The following SPATS2 variants were observed in gnomAD, a reference collection of about 807,000 sequenced individuals.
SPATS2 encodes the protein spermatogenesis associated serine rich 2.
A neutral mutation model predicts 63.7 loss-of-function variants in SPATS2; 38 were observed. The observed-to-expected ratio is 0.60, with a 90% CI of 0.46 to 0.78. The LOEUF is 0.78. Among genes scored for constraint, SPATS2 ranks in the 30% least tolerant of loss-of-function variants. SPATS2 has a pLI of 0.00. For synonymous variants in SPATS2, 207 were observed against 232.9 expected (o/e 0.89, Z 1.01); for missense variants, 588 against 666.2 (o/e 0.88, Z 1.29).
chr12:49,515,338 T>C (rs999326786), intron 10 of SPATS2, among the ~76,000 whole-genome samples: 4 of 152,256 alleles, frequency 2.6e-5, no homozygotes, highest in African/African-American at 9.6e-5. Context: ...GCAGGTTTTA[T>C]CTTCCTGCAT....
chr12:49,488,137 C>T (rs1946325593), intron 4 of SPATS2, among the ~76,000 whole-genome samples: 1 of 151,842 alleles, frequency 6.6e-6, no homozygotes. Flanking sequence ...CTCCACCTCC[C>T]GGGTTCAAGT....
chr12:49,393,103 C>G (rs143748405), intron 2 of SPATS2, among the ~76,000 whole-genome samples: 3 of 152,052 alleles, frequency 2.0e-5, no homozygotes, highest in African/African-American at 7.2e-5. Context: ...CTTTGTCTCA[C>G]CTTAATTATG....
At chr12:49,444,745 A>T (rs1945481975) in intron 2 of SPATS2, among the ~76,000 whole-genome samples, 1 of 151,942 alleles carries the variant, frequency 6.6e-6, no homozygotes, top group Non-Finnish European at 1.5e-5. Flanking sequence ...CTGGGATTAC[A>T]GGTGCTCGCC....
chr12:49,466,760 T>C (rs994814062), intron 3 of SPATS2, among the ~76,000 whole-genome samples: 1 of 152,206 alleles, frequency 6.6e-6, no homozygotes, highest in Non-Finnish European at 1.5e-5. Context: ...CCCCACAGAA[T>C]TTTTTGGGCT....
intron 2 of SPATS2, among the ~76,000 whole-genome samples, chr12:49,442,910 C>T (rs913244516): frequency 6.6e-6 from 1 of 151,870 alleles, no homozygotes; most frequent in Admixed American, 6.6e-5. Flanking sequence ...CTCACTCTCT[C>T]CTTTCCCTCC....
At chr12:49,436,641 T>C (rs1945301435) in intron 2 of SPATS2, among the ~76,000 whole-genome samples, 1 of 120,282 alleles carries the variant, frequency 8.3e-6, no homozygotes, top group Non-Finnish European at 1.8e-5. Flanking sequence ...ACGGGGCGGC[T>C]GGCCGGGCAG....
chr12:49,522,706 A>C (rs1483286772), intron 11 of SPATS2, 45 bp from the exon 12 acceptor site: 3 of 1,457,376 alleles, frequency 2.1e-6, no homozygotes, highest in Non-Finnish European at 2.9e-6. Flanking sequence ...GATTCCATGG[A>C]TGTTGTTTGT....
chr12:49,450,083 CT>C (rs913747514), intron 2 of SPATS2, among the ~76,000 whole-genome samples: 23 of 151,964 alleles, frequency 1.5e-4, no homozygotes, highest in Admixed American at 1.3e-3. Flanking sequence ...ATACTAAGCC[CT>C]TTTTTTATTG....
chr12:49,390,139 A>T (rs1250665635), intron 2 of SPATS2: 2 of 1,542,476 alleles, frequency 1.3e-6, no homozygotes, highest in Non-Finnish European at 1.8e-6. Flanking sequence ...AGTGACCAAC[A>T]GTGACTTGAG....
intron 2 of SPATS2, among the ~76,000 whole-genome samples, chr12:49,431,761 G>A (rs2137483824): frequency 6.6e-6 from 1 of 152,270 alleles, no homozygotes; most frequent in South Asian, 2.1e-4. Context: ...GGGTGGGTGT[G>A]ATAGCTCATG....
rs141060075 is a variant in SPATS2 at position 49,408,845 on chromosome 12, C to T, written c.-244+37555C>T. 1.3e-3 allele frequency among the ~76,000 whole-genome samples: 193 copies of T among 151,834 alleles called. 1 individual carries two copies. The highest frequency in any genetic ancestry group is 3.4e-3 in the South Asian group (16 of 4,760). ...TTCTGGGATTACAGGTTTGAGCCAC[C>T]GCGCCTGGCCAAGAGATGATAGTAT... On this transcript the variant is annotated intron_variant, in intron 2 of 13. Coordinates refer to ENST00000552918, the MANE Select transcript of SPATS2 (RefSeq NM_023071.4).
At chr12:49,439,934 ATAAGT>A (rs1945386468) in intron 2 of SPATS2, among the ~76,000 whole-genome samples, 2 of 152,188 alleles carry the variant, frequency 1.3e-5, no homozygotes, top group African/African-American at 2.4e-5. Flanking sequence ...TTTCATCAGG[ATAAGT>A]TAAGTTCCTG....
intron 2 of SPATS2, among the ~76,000 whole-genome samples, chr12:49,390,581 C>T (rs770919222): frequency 2.6e-5 from 4 of 152,086 alleles, no homozygotes; most frequent in African/African-American, 9.7e-5. Flanking sequence ...CCTTATTTGG[C>T]GTTAAAGTTA....
At chr12:49,376,223 T>A (rs1441531084) in intron 2 of SPATS2, among the ~76,000 whole-genome samples, 1 of 149,264 alleles carries the variant, frequency 6.7e-6, no homozygotes, top group Non-Finnish European at 1.5e-5. Context: ...TGCCTCAGCC[T>A]CCCGAGTAGC....
At chr12:49,477,356 G>A (rs1946135404) in intron 3 of SPATS2, among the ~76,000 whole-genome samples, 1 of 152,180 alleles carries the variant, frequency 6.6e-6, no homozygotes, top group Admixed American at 6.5e-5. Flanking sequence ...GAATATAGTT[G>A]AAATGGCACT....
chr12:49,473,235 C>CA (rs1180530768), intron 3 of SPATS2, among the ~76,000 whole-genome samples: 2 of 151,718 alleles, frequency 1.3e-5, no homozygotes, highest in South Asian at 4.2e-4. Context: ...GCCATCATGG[C>CA]AAAAAACCCA....
intron 2 of SPATS2, among the ~76,000 whole-genome samples, chr12:49,395,968 A>C (rs1016259816): frequency 3.3e-5 from 5 of 152,176 alleles, no homozygotes; most frequent in Admixed American, 1.3e-4. Flanking sequence ...TGTGTGTTTG[A>C]GTATTTTATA....
intron 2 of SPATS2, among the ~76,000 whole-genome samples, chr12:49,410,498 A>G (rs961512150): frequency 7.2e-5 from 11 of 152,286 alleles, no homozygotes; most frequent in African/African-American, 2.6e-4. Context: ...TGCCCACATC[A>G]TACTTACTAT....
At chr12:49,421,381 C>G (rs974977519) in intron 2 of SPATS2, among the ~76,000 whole-genome samples, 11 of 130,650 alleles carry the variant, frequency 8.4e-5, no homozygotes, top group African/African-American at 2.6e-4. Context: ...TGACACCACT[C>G]ACTCCAGCCT....
Sources: gnomAD v4.1 joint callset for allele counts (sites outside exome capture counted in the v4.1 genomes callset) on GRCh38, gnomAD v4.1.1 for gene constraint, MANE v1.5 for transcripts, NCBI Gene and HGNC (gene_info 2026-07-23, HGNC 2026-07-21) for gene names.